LRRK1: variants seen among roughly 807,000 people sequenced by gnomAD.
The protein encoded by LRRK1 is leucine rich repeat kinase 1, also known as leucine-rich repeat serine/threonine-protein kinase 1.
Under a neutral mutation model 209.1 loss-of-function variants are expected in LRRK1, and 113 were observed. That is an observed-to-expected ratio of 0.54 (90% CI 0.46 to 0.63). The LOEUF (loss-of-function observed/expected upper bound fraction) is 0.63, where lower values mean the gene tolerates loss of function less well. LRRK1 is among the 30% of genes least tolerant of loss of function. The pLI is 0.00. For synonymous variants in LRRK1, 1,144 were observed against 1,099.7 expected, an observed-to-expected ratio of 1.04 and a Z score of -0.80; for missense variants, 2,284 against 2,632.2, an observed-to-expected ratio of 0.87 and a Z score of 2.89.
intron 2 of LRRK1, among the ~76,000 whole-genome samples, chr15:100,971,155 G>A (rs1475997797): frequency 6.6e-6 from 1 of 151,960 alleles, no homozygotes; most frequent in Non-Finnish European, 1.5e-5. Context: ...CCAACATGGT[G>A]AAACCCCATC....
intron 2 of LRRK1, among the ~76,000 whole-genome samples, chr15:100,961,256 T>C (rs2141634955): frequency 6.6e-6 from 1 of 152,304 alleles, no homozygotes; most frequent in South Asian, 2.1e-4. Flanking sequence ...GTCCCCACCA[T>C]AGTGACCTTA....
At position 100,983,599 on chromosome 15, in the gene LRRK1, G is replaced by A. The variant is rs2031718221; in HGVS notation, c.333G>A (p.Leu111=). ...TCCGCTACCTACTCAGCAAGAGACT[G>A]GTGGAGCTGCCCACCGAGCCCACGG... ...EMVRYLLSKR[L]VELPTEPTDD... The change falls in exon 4 of 34, where the codon CTG becomes CTA. Residue 111 remains leucine, a synonymous_variant. Coordinates refer to ENST00000388948, the MANE Select transcript of LRRK1 (RefSeq NM_024652.6). 1 of 1,612,034 alleles carries A rather than the reference G, an allele frequency of 6.2e-7. No homozygotes were observed. Among genetic ancestry groups the A allele is most frequent in the African/African-American group, 1.3e-5 (1 of 74,818 alleles).
intron 20 of LRRK1, among the ~76,000 whole-genome samples, chr15:101,045,202 T>C (rs1369496101): frequency 6.6e-6 from 1 of 152,240 alleles, no homozygotes; most frequent in East Asian, 1.9e-4. Context: ...GGACATTTAT[T>C]GGACTGAAAT....
intron 20 of LRRK1, among the ~76,000 whole-genome samples, chr15:101,029,972 C>T (rs2034210556): frequency 6.6e-6 from 1 of 152,212 alleles, no homozygotes. Context: ...AGAGCAACAT[C>T]ATCAGCTACT....
At chr15:101,023,358 T>G (rs2033884313) in intron 15 of LRRK1, among the ~76,000 whole-genome samples, 1 of 152,154 alleles carries the variant, frequency 6.6e-6, no homozygotes, top group African/African-American at 2.4e-5. Context: ...ATCCATAAAC[T>G]TCTTAATCAT....
intron 20 of LRRK1, among the ~76,000 whole-genome samples, chr15:101,038,008 G>T (rs1464392735): frequency 6.6e-6 from 1 of 151,936 alleles, no homozygotes; most frequent in Non-Finnish European, 1.5e-5. Context: ...AAAAAATTGT[G>T]GTATATATAC....
intron 23 of LRRK1, among the ~76,000 whole-genome samples, chr15:101,050,150 G>A (rs2035325343): frequency 6.6e-6 from 1 of 152,202 alleles, no homozygotes; most frequent in South Asian, 2.1e-4. Flanking sequence ...AAATTGCAGG[G>A]GAGCCGGCAG....
chr15:101,066,366 C>T (rs1009407216), intron 32 of LRRK1, among the ~76,000 whole-genome samples, 161 bp downstream of exon 32: 1 of 152,198 alleles, frequency 6.6e-6, no homozygotes, highest in African/African-American at 2.4e-5. Flanking sequence ...TGGAAGCGAT[C>T]GCTTTAGCAA....
chr15:100,942,768 C>T (rs1021644076), intron 2 of LRRK1, among the ~76,000 whole-genome samples: 27 of 152,166 alleles, frequency 1.8e-4, no homozygotes, highest in Non-Finnish European at 3.5e-4. Context: ...CGACAATTCA[C>T]GGAGTAAGCA....
In LRRK1 at chr15:101,028,950, G is replaced by A; in HGVS notation, c.2687-6G>A. The stretch of plus-strand genomic sequence containing the variant: ...TGCTGCTTCCTCCTCTCCTTGCCTG[G>A]GGCAGCCATCAGCTTCCTCATAGAA... On this transcript the variant is annotated splice_polypyrimidine_tract_variant and splice_region_variant and intron_variant, in intron 19 of 33. Coordinates refer to ENST00000388948, the MANE Select transcript of LRRK1 (RefSeq NM_024652.6). 1 of 1,613,148 alleles carries A rather than the reference G, an allele frequency of 6.2e-7. No individual in the cohort carries two copies. The highest frequency in any genetic ancestry group is 1.1e-5 in the South Asian group (1 of 91,014).
At position 101,069,268 on chromosome 15, in the gene LRRK1, G is replaced by A. The variant is rs2036693648; in HGVS notation, c.*420G>A. On this transcript the variant is annotated 3_prime_UTR_variant, in exon 34 of 34. Transcript: ENST00000388948. ...GGCCCTCCGCTGGGAAGCACTTGAG[G>A]TAGGGCAGGAGGGGGGCTGTGACCC... The A allele has an allele frequency of 6.4e-6, 1 of 155,222 alleles. No individual in the cohort carries two copies. The highest frequency in any genetic ancestry group is 1.4e-5 in the Non-Finnish European group (1 of 69,862). The allele number at this position is 155,222 out of a possible 1,614,324, so 9.6% of individuals were successfully genotyped here. A position where few individuals can be genotyped will look rare whatever the true frequency, so the allele number is the denominator to read the frequency against.
intron 29 of LRRK1, among the ~76,000 whole-genome samples, chr15:101,059,299 G>C (rs901372948): frequency 2.0e-5 from 3 of 152,186 alleles, no homozygotes; most frequent in Admixed American, 1.3e-4. Context: ...TCAGGAGGCT[G>C]AGGCAGGAGG....
At chr15:100,969,895 C>CTT (rs34667721) in intron 2 of LRRK1, among the ~76,000 whole-genome samples, 69 of 148,462 alleles carry the variant, frequency 4.6e-4, no homozygotes, top group Middle Eastern at 3.4e-3. Context: ...CTTTTTTCTT[C>CTT]TTTTTTTTTT....
chr15:100,925,027 C>T (rs2042086054), intron 2 of LRRK1, among the ~76,000 whole-genome samples: 1 of 151,654 alleles, frequency 6.6e-6, no homozygotes, highest in African/African-American at 2.4e-5. Context: ...AAAAATAATA[C>T]ATGTTTATTA....
At chr15:100,931,963 T>C (rs2042220634) in intron 2 of LRRK1, among the ~76,000 whole-genome samples, 1 of 151,216 alleles carries the variant, frequency 6.6e-6, no homozygotes, top group African/African-American at 2.5e-5. Flanking sequence ...GTAATCACTG[T>C]TAGCTGAGTG....
rs1360416887 is a variant in LRRK1 at position 101,069,815 on chromosome 15, G to T, written c.*967G>T. ...CACGTGTACAGCGGAGTACGAAAAG[G>T]AACGTTGTCCACAGGGGATTTATGG... is the stretch of plus-strand genomic sequence containing the variant. On this transcript the variant is annotated 3_prime_UTR_variant, in exon 34 of 34. Transcript: ENST00000388948. The T allele has an allele frequency of 2.0e-5, 3 of 152,552 alleles. No individual in the cohort carries two copies. The highest frequency in any genetic ancestry group is 4.4e-5 in the Non-Finnish European group (3 of 68,052). 9.4% of individuals were successfully genotyped at this position (152,552 alleles called of 1,614,324 possible). A position where few individuals can be genotyped will look rare whatever the true frequency, so the allele number is the denominator to read the frequency against.
At chr15:100,996,164 TTAGA>T (rs2032399459) in intron 6 of LRRK1, among the ~76,000 whole-genome samples, 1 of 152,254 alleles carries the variant, frequency 6.6e-6, no homozygotes, top group Non-Finnish European at 1.5e-5. Flanking sequence ...CAACCCTGTC[TTAGA>T]TAGGACCTCA....
intron 6 of LRRK1, among the ~76,000 whole-genome samples, chr15:100,999,360 C>T (rs1489518747): frequency 2.6e-5 from 4 of 152,184 alleles, no homozygotes. Context: ...TTTTGGCATT[C>T]ACTTGCTTAA....
intron 1 of LRRK1, among the ~76,000 whole-genome samples, chr15:100,921,097 A>G (rs187461961): frequency 1.4e-4 from 22 of 152,228 alleles, no homozygotes; most frequent in Non-Finnish European, 4.4e-5. Context: ...TTATCTGTTT[A>G]ATTTCTCCTT....
Sources: gnomAD v4.1 joint callset for allele counts (sites outside exome capture counted in the v4.1 genomes callset) on GRCh38, gnomAD v4.1.1 for gene constraint, MANE v1.5 for transcripts, NCBI Gene and HGNC (gene_info 2026-07-23, HGNC 2026-07-21) for gene names.